SHANK2: variants seen among roughly 807,000 people sequenced by gnomAD.
SHANK2 encodes SH3 and multiple ankyrin repeat domains protein 2.
A neutral mutation model predicts 133.7 loss-of-function variants in SHANK2; 43 were observed. The observed-to-expected ratio is 0.32, with a 90% confidence interval of 0.25 to 0.41. SHANK2 has a LOEUF of 0.41. SHANK2 is among the 10% of genes least tolerant of loss of function. The pLI, the probability that SHANK2 is intolerant of heterozygous loss-of-function variation, is 1.00. For missense variants in SHANK2, 1,994 were observed against 2,235.8 expected (o/e 0.89, Z 2.18); for synonymous variants, 1,017 against 952.8 (o/e 1.07, Z -1.24).
At chr11:70,734,820 G>A (rs1456939650) in intron 14 of SHANK2, among the ~76,000 whole-genome samples, 2 of 152,342 alleles carry the variant, frequency 1.3e-5, no homozygotes, top group African/African-American at 4.8e-5. Context: ...CCACCTGAGC[G>A]ATGAGGACCC....
At chr11:71,173,135 A>G (rs1283809068) in intron 2 of SHANK2, among the ~76,000 whole-genome samples, 1 of 152,218 alleles carries the variant, frequency 6.6e-6, no homozygotes, top group African/African-American at 2.4e-5. Flanking sequence ...TTATAAATCT[A>G]TTACATTTAT....
intron 14 of SHANK2, among the ~76,000 whole-genome samples, chr11:70,762,969 C>T (rs1008999989): frequency 6.6e-6 from 1 of 152,214 alleles, no homozygotes; most frequent in Non-Finnish European, 1.5e-5. Flanking sequence ...CACCTGCACA[C>T]CACCATGAGG....
intron 17 of SHANK2, among the ~76,000 whole-genome samples, chr11:70,510,253 G>A (rs1266523235): frequency 3.3e-5 from 5 of 152,150 alleles, no homozygotes; most frequent in African/African-American, 1.2e-4. Context: ...GCAAACCTGG[G>A]GCCAAGGTTG....
intron 1 of SHANK2, among the ~76,000 whole-genome samples, chr11:71,242,941 A>G (rs1390085796): frequency 5.3e-5 from 8 of 152,272 alleles, no homozygotes; most frequent in Non-Finnish European, 2.9e-5. Flanking sequence ...AAATATGTGG[A>G]AATTAAACAG....
chr11:70,665,357 T>C (rs1944659671), intron 15 of SHANK2, among the ~76,000 whole-genome samples: 1 of 150,086 alleles, frequency 6.7e-6, no homozygotes, highest in Admixed American at 6.7e-5. Flanking sequence ...CCCATGATGG[T>C]CTTAAACTCC....
At chr11:71,133,733 C>T (rs77498792) in intron 3 of SHANK2, among the ~76,000 whole-genome samples, 4,295 of 152,192 alleles carry the variant, frequency 0.028, 199 homozygotes, top group African/African-American at 0.098. Flanking sequence ...ATGTTACCAT[C>T]TTCTGCCCAA....
intron 14 of SHANK2, among the ~76,000 whole-genome samples, chr11:70,704,640 A>T (rs1945618431): frequency 6.6e-6 from 1 of 152,210 alleles, no homozygotes; most frequent in Non-Finnish European, 1.5e-5. Context: ...ATGGAAGGAC[A>T]CGGGCTATGG....
At chr11:70,589,108 C>T (rs75376424) in intron 17 of SHANK2, among the ~76,000 whole-genome samples, 5,958 of 152,272 alleles carry the variant, frequency 0.039, 160 homozygotes, top group East Asian at 0.098. Context: ...TGAGCCACTG[C>T]GCCCGGCCAA....
chr11:71,114,585 G>A (rs1565459243), intron 4 of SHANK2, among the ~76,000 whole-genome samples: 5 of 152,300 alleles, frequency 3.3e-5, no homozygotes, highest in Admixed American at 2.0e-4. Context: ...TCTGTGAAGC[G>A]CAGGCTGCAC....
intron 1 of SHANK2, among the ~76,000 whole-genome samples, chr11:71,234,318 T>C (rs1228655209): frequency 6.7e-6 from 1 of 150,158 alleles, no homozygotes; most frequent in Non-Finnish European, 1.5e-5. Context: ...GCCAAGACCA[T>C]GCCATTGCAC....
intron 3 of SHANK2, among the ~76,000 whole-genome samples, chr11:71,140,783 G>A (rs1169003366): frequency 6.6e-6 from 1 of 151,232 alleles, no homozygotes; most frequent in African/African-American, 2.4e-5. Flanking sequence ...AGTGAATGGC[G>A]AGGGAGACGT....
At chr11:70,615,529 C>G (rs1554995678) in intron 17 of SHANK2, among the ~76,000 whole-genome samples, 1 of 152,160 alleles carries the variant, frequency 6.6e-6, no homozygotes, top group East Asian at 1.9e-4. Flanking sequence ...TCCAGGGTCC[C>G]TTAGTGGCGG....
intron 4 of SHANK2, among the ~76,000 whole-genome samples, chr11:71,113,720 A>C (rs781948701): frequency 6.6e-6 from 1 of 152,156 alleles, no homozygotes; most frequent in Non-Finnish European, 1.5e-5. Context: ...TTGGCAAGGC[A>C]TTTTTGGTAA....
chr11:70,864,069 A>C (rs544718892), intron 11 of SHANK2: 1 of 332,016 alleles, frequency 3.0e-6, no homozygotes, highest in Non-Finnish European at 5.9e-6. Flanking sequence ...TGCAAGCACA[A>C]GAAAGGGACC....
chr11:70,597,050 A>G (rs1422457404), intron 17 of SHANK2, among the ~76,000 whole-genome samples: 12 of 151,952 alleles, frequency 7.9e-5, no homozygotes, highest in Non-Finnish European at 1.5e-4. Context: ...ACATCCTCAG[A>G]CCCTATGAAC....
intron 14 of SHANK2, among the ~76,000 whole-genome samples, chr11:70,734,421 C>T (rs1555033020): frequency 6.6e-6 from 1 of 152,188 alleles, no homozygotes; most frequent in African/African-American, 2.4e-5. Flanking sequence ...GCCTGACTCC[C>T]ATACCCAGTC....
intron 17 of SHANK2, among the ~76,000 whole-genome samples, chr11:70,642,314 TTCAAATTTAAA>T (rs1482770141): frequency 7.1e-6 from 1 of 140,586 alleles, no homozygotes; most frequent in Non-Finnish European, 1.5e-5. Context: ...TTCCGTTCGA[TTCAAATTTAAA>T]TCCAGAATCG....
chr11:70,493,452 C>T (rs1219736247), intron 21 of SHANK2, among the ~76,000 whole-genome samples: 1 of 144,002 alleles, frequency 6.9e-6, no homozygotes, highest in Non-Finnish European at 1.5e-5. Flanking sequence ...TTAAAGAGGA[C>T]ATTTGCAGCA....
chr11:71,072,624 G>A (rs1951158383), intron 9 of SHANK2, among the ~76,000 whole-genome samples: 1 of 152,138 alleles, frequency 6.6e-6, no homozygotes, highest in Non-Finnish European at 1.5e-5. Flanking sequence ...CACTCAAAAG[G>A]TGGAAGCCAC....
Sources: gnomAD v4.1 joint callset for allele counts (sites outside exome capture counted in the v4.1 genomes callset) on GRCh38, gnomAD v4.1.1 for gene constraint, MANE v1.5 for transcripts, NCBI Gene and HGNC (gene_info 2026-07-23, HGNC 2026-07-21) for gene names.